Variants in MBD5 observed in about 807,000 individuals in gnomAD.
MBD5 encodes methyl-CpG binding domain protein 5.
In MBD5, 13 loss-of-function variants were observed where a neutral mutation model predicts 117.3. That is an observed-to-expected ratio of 0.11 (90% CI 0.07 to 0.18). MBD5 has a LOEUF of 0.18. Among genes scored for constraint, MBD5 ranks in the 10% least tolerant of loss-of-function variants. The pLI is 1.00. For missense variants in MBD5, 1,879 were observed against 2,093.8 expected (o/e 0.90, Z 2.00); for synonymous variants, 727 against 766.4 (o/e 0.95, Z 0.85).
At chr2:148,366,368 T>C (rs1218793289) in intron 4 of MBD5, among the ~76,000 whole-genome samples, 3 of 152,064 alleles carry the variant, frequency 2.0e-5, no homozygotes, top group African/African-American at 2.4e-5. Flanking sequence ...ACAGCCAATA[T>C]CATACTGAAT....
intron 4 of MBD5, among the ~76,000 whole-genome samples, chr2:148,431,733 C>T (rs1029287158): frequency 7.2e-5 from 11 of 152,152 alleles, no homozygotes; most frequent in Non-Finnish European, 1.5e-4. Flanking sequence ...TCTATGGCTT[C>T]ATAGTATTCT....
intron 1 of MBD5, among the ~76,000 whole-genome samples, chr2:148,042,849 TG>T (rs2105694168): frequency 6.6e-6 from 1 of 152,278 alleles, no homozygotes; most frequent in East Asian, 1.9e-4. Context: ...GGGATCGATC[TG>T]GTAGCTAGTC....
chr2:148,364,003 A>G (rs908616885), intron 4 of MBD5, among the ~76,000 whole-genome samples: 5 of 152,188 alleles, frequency 3.3e-5, no homozygotes, highest in African/African-American at 1.2e-4. Context: ...GAACGCCACA[A>G]AGATACTCCT....
intron 3 of MBD5, among the ~76,000 whole-genome samples, chr2:148,295,053 T>C (rs1701616559): frequency 1.3e-5 from 2 of 152,240 alleles, no homozygotes; most frequent in South Asian, 4.1e-4. Flanking sequence ...ACTTGGAATT[T>C]GTTGAGCTTC....
At chr2:148,096,656 GAA>G (rs1438199333) in intron 1 of MBD5, among the ~76,000 whole-genome samples, 5 of 152,042 alleles carry the variant, frequency 3.3e-5, no homozygotes, top group African/African-American at 1.2e-4. Flanking sequence ...ATAAGAGAGA[GAA>G]AGAATCATTA....
At chr2:148,296,864 A>ATTTTTCTTTTTTTTTTTTTTTTTTT (rs1701665864) in intron 3 of MBD5, among the ~76,000 whole-genome samples, 1 of 61,310 alleles carries the variant, frequency 1.6e-5, no homozygotes, top group Non-Finnish European at 3.0e-5. Context: ...TAGTTCTTCA[A>ATTTTTCTTTTTTTTTTTTTTTTTTT]TTTTTTTTTT....
chr2:148,350,309 C>G lies in MBD5; in HGVS notation c.-557+7973C>G, dbSNP rs147244108. Among the ~76,000 whole-genome samples, 2 of 152,142 alleles carry G rather than the reference C, an allele frequency of 1.3e-5. 1 individual carries two copies. Among genetic ancestry groups the G allele is most frequent in the East Asian group, 3.9e-4 (2 of 5,178 alleles). On this transcript the variant is annotated intron_variant, in intron 4 of 13. Transcript: ENST00000642680. ...TCATTTTTTGTTTAATTCATGTGCA[C>G]CATTACATAGCAGCTGCACTAAGCA...
chr2:148,161,485 A>C (rs989319737), intron 1 of MBD5, among the ~76,000 whole-genome samples: 3 of 152,222 alleles, frequency 2.0e-5, no homozygotes, highest in African/African-American at 7.2e-5. Context: ...TAGATTGAGG[A>C]AGTGTTGTCC....
At chr2:148,467,456 G>A (rs1201779612) in intron 7 of MBD5, among the ~76,000 whole-genome samples, 1 of 152,098 alleles carries the variant, frequency 6.6e-6, no homozygotes, top group Non-Finnish European at 1.5e-5. Flanking sequence ...GAAGGTTTTA[G>A]CACTTCAACT....
chr2:148,176,794 T>C (rs913784166), intron 1 of MBD5, among the ~76,000 whole-genome samples: 1 of 151,240 alleles, frequency 6.6e-6, no homozygotes, highest in South Asian at 2.1e-4. Context: ...CAAGACTTCA[T>C]AAAATTTTTG....
chr2:148,511,200 G>A (rs922254111), intron 13 of MBD5, among the ~76,000 whole-genome samples: 3 of 152,164 alleles, frequency 2.0e-5, no homozygotes, highest in South Asian at 2.1e-4. Flanking sequence ...AGAAAAGAGC[G>A]TGCTAAGAAT....
At chr2:148,343,397 T>G (rs892589264) in intron 4 of MBD5, among the ~76,000 whole-genome samples, 1 of 152,126 alleles carries the variant, frequency 6.6e-6, no homozygotes, top group African/African-American at 2.4e-5. Context: ...GCCAACAGTA[T>G]GTAAGCGTTC....
intron 4 of MBD5, among the ~76,000 whole-genome samples, chr2:148,383,152 T>A (rs1704212354): frequency 6.6e-6 from 1 of 152,084 alleles, no homozygotes; most frequent in African/African-American, 2.4e-5. Context: ...CTTCAAAAAA[T>A]TAGTGAATCC....
chr2:148,154,269 TGAG>T (rs1697790423), intron 1 of MBD5, among the ~76,000 whole-genome samples: 1 of 152,108 alleles, frequency 6.6e-6, no homozygotes, highest in South Asian at 2.1e-4. Flanking sequence ...GTGACCCACT[TGAG>T]GAGGCAGTCT....
At chr2:148,406,065 C>T (rs1705069063) in intron 4 of MBD5, among the ~76,000 whole-genome samples, 1 of 152,002 alleles carries the variant, frequency 6.6e-6, no homozygotes, top group Non-Finnish European at 1.5e-5. Flanking sequence ...AGTGGTGGTA[C>T]ATTCCTGTAA....
rs147012577 is a variant in MBD5 at position 148,202,242 on chromosome 2, A to G, written c.-831+23449A>G. 2.1e-3 allele frequency among the ~76,000 whole-genome samples: 313 copies of G among 152,328 alleles called. 1 individual carries two copies. The highest frequency in any genetic ancestry group is 7.2e-3 in the African/African-American group (299 of 41,566). Reference sequence around the variant, plus strand: ...AAAATATGATATGTTCTAAAGAGAAAAATAAAGCATGGTAAATAGATAGAA... The same window carrying G: ...AAAATATGATATGTTCTAAAGAGAAGAATAAAGCATGGTAAATAGATAGAA... On this transcript the variant is annotated intron_variant, in intron 2 of 13. Coordinates refer to ENST00000642680, the MANE Select transcript of MBD5 (RefSeq NM_001378120.1).
intron 1 of MBD5, among the ~76,000 whole-genome samples, chr2:148,140,481 A>G (rs1485873221): frequency 6.6e-6 from 1 of 152,158 alleles, no homozygotes; most frequent in Non-Finnish European, 1.5e-5. Flanking sequence ...ACTAGTCACA[A>G]TTCTCCCATT....
At chr2:148,229,026 G>A (rs1424095245) in intron 2 of MBD5, among the ~76,000 whole-genome samples, 2 of 151,888 alleles carry the variant, frequency 1.3e-5, no homozygotes, top group African/African-American at 4.8e-5. Context: ...CTTGCTAGTG[G>A]TCTATCAATT....
rs562980040 is a variant in MBD5 at position 148,488,539 on chromosome 2, C to G, written c.3754-847C>G. On this transcript the variant is annotated intron_variant, in intron 10 of 13. Coordinates refer to ENST00000642680, the MANE Select transcript of MBD5 (RefSeq NM_001378120.1). ...GAGAGAGGCTGATGTGTCGACAGAT[C>G]CCAGGTTCTGGATTAGCAGGGAAGG... Among the ~76,000 whole-genome samples, 199 of 151,386 alleles carry G rather than the reference C, an allele frequency of 1.3e-3. 1 individual carries two copies. The highest frequency in any genetic ancestry group is 4.3e-3 in the African/African-American group (179 of 41,186).
Sources: gnomAD v4.1 joint callset for allele counts (sites outside exome capture counted in the v4.1 genomes callset) on GRCh38, gnomAD v4.1.1 for gene constraint, MANE v1.5 for transcripts, NCBI Gene and HGNC (gene_info 2026-07-23, HGNC 2026-07-21) for gene names.